The following PSME4 variants were observed in gnomAD, a reference collection of about 807,000 sequenced individuals.
The protein encoded by PSME4 is proteasome activator complex subunit 4.
A neutral mutation model predicts 253.9 loss-of-function variants in PSME4; 89 were observed. That is an observed-to-expected ratio of 0.35 (90% CI 0.30 to 0.42). The LOEUF is 0.42. PSME4 is among the 10% of genes least tolerant of loss of function. The probability of loss-of-function intolerance (pLI) is 1.00; values close to 1 mark genes in which losing one functional copy is unlikely to be tolerated. For synonymous variants in PSME4, 851 were observed against 759.2 expected, an observed-to-expected ratio of 1.12 and a Z score of -1.99; for missense variants, 2,014 against 2,195.2, an observed-to-expected ratio of 0.92 and a Z score of 1.65.
intron 24 of PSME4, 94 bp from the exon 25 acceptor site, chr2:53,906,962 G>C (rs1680688146): frequency 9.0e-7 from 1 of 1,107,924 alleles, no homozygotes; most frequent in East Asian, 2.4e-5. Flanking sequence ...GGTCAAAAAG[G>C]TCCCTGGTTG....
At chr2:53,883,435 C>T (rs377321370) in intron 41 of PSME4, among the ~76,000 whole-genome samples, 5 of 152,070 alleles carry the variant, frequency 3.3e-5, no homozygotes, top group African/African-American at 7.2e-5. Context: ...AGGAGATTGA[C>T]GCTGCAGTGA....
At chr2:53,958,805 C>T (rs1455735072) in intron 1 of PSME4, among the ~76,000 whole-genome samples, 3 of 148,668 alleles carry the variant, frequency 2.0e-5, no homozygotes, top group Admixed American at 6.7e-5. Flanking sequence ...TTAAAATCTA[C>T]TGAATACATA....
At position 53,970,567 on chromosome 2, in the gene PSME4, A is replaced by G; in HGVS notation, c.218T>C (p.Leu73Pro). The stretch of plus-strand genomic sequence containing the variant: ...CGTGGAGAGTTTCCTGGTCCAGAAG[A>G]GGCCCCCGGGCCACAGCTCTTGGAG... Reference protein sequence around the residue: ...VQLQELWPGGLFWTRKLSTYI... With the variant: ...VQLQELWPGGPFWTRKLSTYI... Residue 73 changes from leucine to proline, a missense_variant, in exon 1 of 47, where the codon CTC (leucine) becomes CCC (proline). Leu to Pro is a moderately conservative substitution (Grantham distance 98). Around this residue, in one of 4 missense-constraint regions of PSME4, gnomAD observed 615 missense variants for 594.4 expected, o/e 1.03. Coordinates refer to ENST00000404125, the MANE Select transcript of PSME4 (RefSeq NM_014614.3). 6.5e-7 allele frequency: 1 copy of G among 1,547,926 alleles called. No homozygotes were observed. The highest frequency in any genetic ancestry group is 8.7e-7 in the Non-Finnish European group (1 of 1,146,692).
At chr2:53,967,116 T>C (rs1292817331) in intron 1 of PSME4, among the ~76,000 whole-genome samples, 1 of 152,228 alleles carries the variant, frequency 6.6e-6, no homozygotes, top group Non-Finnish European at 1.5e-5. Flanking sequence ...AATTTGTTCC[T>C]ACTTTCTCTA....
At chr2:53,968,504 T>C (rs1471522955) in intron 1 of PSME4, among the ~76,000 whole-genome samples, 3 of 152,020 alleles carry the variant, frequency 2.0e-5, no homozygotes, top group South Asian at 2.1e-4. Context: ...ACAGAAGGCT[T>C]AAAAAACAAC....
intron 7 of PSME4, 75 bp from the exon 8 acceptor site, chr2:53,934,802 T>C (rs1669027741): frequency 1.8e-6 from 2 of 1,095,200 alleles, no homozygotes; most frequent in Admixed American, 4.7e-5. Context: ...GTGCTGTATA[T>C]TAGTGTTACT....
chr2:53,921,567 T>G (rs533288428), intron 17 of PSME4, among the ~76,000 whole-genome samples: 1 of 140,308 alleles, frequency 7.1e-6, no homozygotes, highest in African/African-American at 2.6e-5. Context: ...CTGAAAAAAA[T>G]GATAAAGAAA....
intron 33 of PSME4, 63 bp from the exon 34 acceptor site, chr2:53,895,139 G>T: frequency 1.4e-6 from 2 of 1,428,172 alleles, no homozygotes; most frequent in Non-Finnish European, 1.9e-6. Context: ...TTCATGGATA[G>T]AAAGCATTAG....
Position 53,914,367 on chromosome 2 carries a change from T to TA in PSME4, c.2517-4238dup, listed in dbSNP as rs564785580. Among the ~76,000 whole-genome samples, 13 of 152,338 alleles carry TA rather than the reference T, an allele frequency of 8.5e-5. No homozygotes were observed. The East Asian group carries it at 2.3e-3, about 27-fold the overall frequency. Reference sequence around the variant, plus strand: ...ATCTATAAAGGTAGAATTATGAGTATAAACTATACCACAAATATTTCTCTT... The same window carrying TA: ...ATCTATAAAGGTAGAATTATGAGTATAAAACTATACCACAAATATTTCTCTT... On this transcript the variant is annotated intron_variant, in intron 20 of 46. Transcript: ENST00000404125.
intron 41 of PSME4, among the ~76,000 whole-genome samples, 196 bp downstream of exon 41, chr2:53,885,494 C>A (rs1215705371): frequency 2.0e-5 from 3 of 152,188 alleles, no homozygotes; most frequent in Non-Finnish European, 2.9e-5. Flanking sequence ...CAAAATCCTG[C>A]TATCACCTAA....
rs781703152 is a variant in PSME4 at position 53,927,478 on chromosome 2, T to C, written c.1509A>G (p.Thr503=). ...TAGAAAATGTTGCTATGAACTGGAATGTGATCTGTGGAAACATACAAAGGA... is the reference window on the plus strand; with the variant it reads ...TAGAAAATGTTGCTATGAACTGGAACGTGATCTGTGGAAACATACAAAGGA... The part of the protein sequence containing the change: ...DPNDFSKCMI[T]FQFIATFSTL... Residue 503 remains threonine (T), a synonymous_variant, in exon 12 of 47, where the codon ACA becomes ACG. Transcript: ENST00000404125. 4.0e-5 allele frequency: 63 copies of C among 1,577,312 alleles called. No homozygotes were observed. The highest frequency in any genetic ancestry group is 5.4e-5 in the Non-Finnish European group (62 of 1,146,610).
chr2:53,891,093 G>A (rs1573224821), intron 36 of PSME4, among the ~76,000 whole-genome samples: 1 of 152,140 alleles, frequency 6.6e-6, no homozygotes, highest in African/African-American at 2.4e-5. Context: ...ATAATAGTAC[G>A]CTAGGCTGAA....
chr2:53,931,908 G>C lies in PSME4; in HGVS notation c.1243C>G (p.Leu415Val). The change falls in exon 10 of 47, where the codon CTA becomes GTA. Residue 415 changes from leucine to valine, a missense_variant. Around this residue, in one of 4 missense-constraint regions of PSME4, gnomAD observed 615 missense variants for 594.4 expected, o/e 1.03. Transcript: ENST00000404125. ...TTCTGCAAAGCCTGGGCTGCTTCTA[G>C]ACTACCGGTTTTGCTAAACATAGCC... ...LLAMFSKTGS[L>V]EAAQALQNLA... The C allele has an allele frequency of 6.2e-7, 1 of 1,614,162 alleles. No homozygotes were observed. Among genetic ancestry groups the C allele is most frequent in the Admixed American group, 1.7e-5 (1 of 60,010 alleles).
intron 34 of PSME4, 151 bp from the exon 35 acceptor site, chr2:53,893,950 T>C: frequency 2.4e-6 from 3 of 1,268,482 alleles, no homozygotes; most frequent in Non-Finnish European, 3.0e-6. Context: ...TACAGTGATT[T>C]CTAAAACCAA....
chr2:53,870,405 G>C (rs1305582018), intron 43 of PSME4: 1 of 129,236 alleles, frequency 7.7e-6, no homozygotes, highest in Admixed American at 9.2e-5. Context: ...ATGGAGTCTC[G>C]CTCTGTCACC....
intron 17 of PSME4, among the ~76,000 whole-genome samples, chr2:53,922,144 C>T (rs1032517001): frequency 2.0e-5 from 3 of 151,596 alleles, no homozygotes; most frequent in Non-Finnish European, 4.4e-5. Flanking sequence ...TGCACTCCAG[C>T]GTGGGCGATA....
chr2:53,898,073 C>T (rs1680224380), intron 30 of PSME4, 74 bp from the exon 31 acceptor site: 14 of 1,484,606 alleles, frequency 9.4e-6, no homozygotes, highest in South Asian at 3.7e-5. Flanking sequence ...ATGTGAAACA[C>T]CTTATAATTT....
chr2:53,892,774 C>A, intron 36 of PSME4, 34 bp downstream of exon 36: 2 of 1,571,108 alleles, frequency 1.3e-6, no homozygotes, highest in Non-Finnish European at 8.6e-7. Flanking sequence ...ATAGCTTTAA[C>A]AGGAAATGTT....
intron 31 of PSME4, 107 bp from the exon 32 acceptor site, chr2:53,896,992 C>A (rs1680167958): frequency 2.4e-6 from 2 of 819,160 alleles, no homozygotes; most frequent in Non-Finnish European, 2.1e-6. Context: ...TAAAAAAACA[C>A]CTCGCCTATC....
Sources: gnomAD v4.1 joint callset for allele counts (sites outside exome capture counted in the v4.1 genomes callset) on GRCh38, gnomAD v4.1.1 for gene constraint, gnomAD v4.1.1 regional missense constraint, MANE v1.5 for transcripts, NCBI Gene and HGNC (gene_info 2026-07-23, HGNC 2026-07-21) for gene names.